The following CRYBG1 variants were observed in gnomAD, a reference collection of about 807,000 sequenced individuals.
CRYBG1 encodes crystallin beta-gamma domain containing 1, also known as beta/gamma crystallin domain-containing protein 1.
CRYBG1 carries 139 observed loss-of-function variants against 189.2 expected under a neutral mutation model. The observed-to-expected ratio is 0.73, with a 90% CI of 0.64 to 0.85. The LOEUF (loss-of-function observed/expected upper bound fraction) is 0.85. CRYBG1 is among the 40% of genes least tolerant of loss of function. The probability of loss-of-function intolerance (pLI) is 0.00; values close to 1 mark genes in which losing one functional copy is unlikely to be tolerated. For missense variants in CRYBG1, 2,611 were observed against 2,675.8 expected (o/e 0.98, Z 0.53); for synonymous variants, 1,023 against 1,017.1 (o/e 1.01, Z -0.11).
At chr6:106,402,631 T>C (rs1323868406) in intron 1 of CRYBG1, among the ~76,000 whole-genome samples, 1 of 150,240 alleles carries the variant, frequency 6.7e-6, no homozygotes, top group Non-Finnish European at 1.5e-5. Context: ...TCCTTACACC[T>C]TATACAAAAA....
intron 2 of CRYBG1, among the ~76,000 whole-genome samples, chr6:106,479,027 C>T (rs1772390584): frequency 6.6e-6 from 1 of 152,170 alleles, no homozygotes; most frequent in South Asian, 2.1e-4. Flanking sequence ...CTTAGTATAA[C>T]ATTTTCAAGG....
Position 106,568,526 on chromosome 6 carries a change from A to G in CRYBG1, c.6356A>G (p.Lys2119Arg). The G allele has an allele frequency of 6.2e-7, 1 of 1,613,924 alleles. No individual in the cohort carries two copies. The change falls in exon 22 of 22, where the codon AAG (lysine) becomes AGG (arginine). Residue 2119 changes from lysine to arginine, a missense_variant. This residue lies in a region of CRYBG1 where 1,622 missense variants were observed against 1,735.0 expected (regional missense o/e 0.93). Coordinates refer to ENST00000633556, the MANE Select transcript of CRYBG1 (RefSeq NM_001371242.2). ...ATCCTCAACACTGTCAGCAAAGAGA[A>G]GTTTACACAAGTGTGGGAAGCCATG... ...HIILNTVSKE[K>R]FTQVWEAMVL...
intron 3 of CRYBG1, 68 bp downstream of exon 3, chr6:106,513,107 C>G: frequency 6.6e-7 from 1 of 1,505,556 alleles, no homozygotes; most frequent in Non-Finnish European, 8.9e-7. Flanking sequence ...CTCTGAGAGG[C>G]TCGGGGTATC....
chr6:106,379,525 TGCTGGGATTACAGGC>T (rs1397382759), intron 1 of CRYBG1, among the ~76,000 whole-genome samples: 2 of 152,088 alleles, frequency 1.3e-5, no homozygotes, highest in Non-Finnish European at 2.9e-5. Context: ...CCTCCCAAAG[TGCTGGGATTACAGGC>T]GTGAGCCACC....
chr6:106,519,416 C>T lies in CRYBG1; in HGVS notation c.2208C>T (p.Asn736=), dbSNP rs778102550. 4.3e-6 allele frequency: 7 copies of T among 1,614,082 alleles called. No individual in the cohort carries two copies. In the Admixed American group the frequency reaches 1.2e-4, roughly 27 times the overall value. Residue 736 remains asparagine (N), a synonymous_variant, in exon 4 of 22, where the codon AAC becomes AAT. Coordinates refer to ENST00000633556, the MANE Select transcript of CRYBG1 (RefSeq NM_001371242.2). ...AACCTGAAAAGAAAGTAATGCCAAA[C>T]AGTCCCCAGAATGGTGTGCTGGTTA... ...MEQPEKKVMP[N]SPQNGVLVKE... is the part of the protein sequence containing the mutation.
At position 106,537,392 on chromosome 6, in the gene CRYBG1, T is replaced by G. The variant is rs543403426; in HGVS notation, c.4719-2011T>G. ...TGTTACAGAACTGCCATTATTTTGTTAGAGAACAAAATCCATGGGTACTGT... is the reference window on the plus strand; with the variant it reads ...TGTTACAGAACTGCCATTATTTTGTGAGAGAACAAAATCCATGGGTACTGT... On this transcript the variant is annotated intron_variant, in intron 8 of 21. Coordinates refer to ENST00000633556, the MANE Select transcript of CRYBG1 (RefSeq NM_001371242.2). 2.0e-5 allele frequency among the ~76,000 whole-genome samples: 3 copies of G among 152,310 alleles called. No homozygotes were observed. In the East Asian group the frequency reaches 5.8e-4, roughly 29 times the overall value.
At chr6:106,559,653 T>C (rs1465824197) in intron 18 of CRYBG1, among the ~76,000 whole-genome samples, 1 of 151,874 alleles carries the variant, frequency 6.6e-6, no homozygotes, top group Non-Finnish European at 1.5e-5. Context: ...GGTGTGGTGG[T>C]GGGGCCCCTG....
intron 7 of CRYBG1, among the ~76,000 whole-genome samples, chr6:106,528,949 CTTT>C (rs1433656973): frequency 2.8e-5 from 4 of 141,208 alleles, no homozygotes; most frequent in Admixed American, 1.4e-4. Flanking sequence ...TTATAATTTT[CTTT>C]TTTTTTTTTT....
rs1474161796 is a variant in CRYBG1 at position 106,519,648 on chromosome 6, G to C, written c.2440G>C (p.Glu814Gln). 4 of 1,614,040 alleles carry C rather than the reference G, an allele frequency of 2.5e-6. No homozygotes were observed. Among genetic ancestry groups the C allele is most frequent in the Non-Finnish European group, 2.5e-6 (3 of 1,180,000 alleles). Residue 814 changes from glutamate to glutamine, a missense_variant, in exon 4 of 22, where the codon GAG becomes CAG. Glu to Gln is a conservative substitution (Grantham distance 29, BLOSUM62 2). Around this residue, in one of 3 missense-constraint regions of CRYBG1, gnomAD observed 1,622 missense variants for 1,735.0 expected, o/e 0.93. Transcript: ENST00000633556. ...LIPVKDHKLL[E>Q]KEDSEAADSK... Reference sequence around the variant, plus strand: ...TCCTGTCAAGGATCATAAGCTCTTAGAGAAGGAGGACTCAGAGGCTGCAGA... The same window carrying C: ...TCCTGTCAAGGATCATAAGCTCTTACAGAAGGAGGACTCAGAGGCTGCAGA...
chr6:106,439,497 A>G (rs1427984126), intron 1 of CRYBG1, among the ~76,000 whole-genome samples: 1 of 152,226 alleles, frequency 6.6e-6, no homozygotes, highest in Non-Finnish European at 1.5e-5. Context: ...TCACAAAGTG[A>G]AAGTTTCTAC....
chr6:106,467,399 A>C (rs9480672), intron 2 of CRYBG1, among the ~76,000 whole-genome samples: 214 of 152,180 alleles, frequency 1.4e-3, no homozygotes, highest in African/African-American at 5.1e-3. Context: ...TTGAGCCCAG[A>C]AAGTTGAGGC....
chr6:106,489,837 A>AATCATTT (rs556828806), intron 2 of CRYBG1, among the ~76,000 whole-genome samples: 194 of 151,894 alleles, frequency 1.3e-3, no homozygotes, highest in African/African-American at 4.3e-3. Context: ...GATAATTGTG[A>AATCATTT]ATCATTTTAG....
chr6:106,482,420 C>T (rs1046405106), intron 2 of CRYBG1, among the ~76,000 whole-genome samples: 2 of 129,030 alleles, frequency 1.6e-5, no homozygotes, highest in Non-Finnish European at 3.3e-5. Context: ...TTCACAGGTC[C>T]TGTAAAGGGA....
intron 1 of CRYBG1, among the ~76,000 whole-genome samples, chr6:106,435,465 T>G (rs939863896): frequency 6.6e-6 from 1 of 152,134 alleles, no homozygotes; most frequent in South Asian, 2.1e-4. Flanking sequence ...GTCCCCAACC[T>G]ACAAAATTAC....
At chr6:106,524,601 G>A (rs1197909193) in intron 4 of CRYBG1, among the ~76,000 whole-genome samples, 1 of 152,092 alleles carries the variant, frequency 6.6e-6, no homozygotes, top group African/African-American at 2.4e-5. Flanking sequence ...TATGTGCAAT[G>A]TACATTATGA....
chr6:106,424,027 C>G (rs74927078), intron 1 of CRYBG1, among the ~76,000 whole-genome samples: 1,716 of 152,192 alleles, frequency 0.011, 41 homozygotes, highest in African/African-American at 0.039. Context: ...CCTTCTCTCT[C>G]TCTCATGATT....
chr6:106,376,960 C>T (rs1322418528), intron 1 of CRYBG1, among the ~76,000 whole-genome samples: 1 of 152,098 alleles, frequency 6.6e-6, no homozygotes, highest in African/African-American at 2.4e-5. Flanking sequence ...ATGACACTTA[C>T]AGAAATATAA....
chr6:106,525,031 A>G (rs1773702595), intron 4 of CRYBG1, 102 bp from the exon 5 acceptor site: 4 of 1,172,274 alleles, frequency 3.4e-6, no homozygotes, highest in African/African-American at 3.0e-5. Context: ...AATCGATACA[A>G]TGTGGGAAAA....
chr6:106,428,072 G>A (rs999655571), intron 1 of CRYBG1, among the ~76,000 whole-genome samples: 1 of 152,012 alleles, frequency 6.6e-6, no homozygotes, highest in Non-Finnish European at 1.5e-5. Flanking sequence ...TCACTTTATC[G>A]CCTGAAGCCA....
Sources: gnomAD v4.1 joint callset for allele counts (sites outside exome capture counted in the v4.1 genomes callset) on GRCh38, gnomAD v4.1.1 for gene constraint, gnomAD v4.1.1 regional missense constraint, MANE v1.5 for transcripts, NCBI Gene and HGNC (gene_info 2026-07-23, HGNC 2026-07-21) for gene names.